The following RIOK3 variants were observed in gnomAD, a reference collection of about 807,000 sequenced individuals.
The protein encoded by RIOK3 is RIO kinase 3.
RIOK3 carries 40 observed loss-of-function variants against 63.5 expected under a neutral mutation model. The ratio of observed to expected loss-of-function variants is 0.63; its 90% CI spans 0.49 to 0.82. The LOEUF (loss-of-function observed/expected upper bound fraction) is 0.82, where lower values mean the gene tolerates loss of function less well. RIOK3 is among the 40% of genes least tolerant of loss of function. RIOK3 has a pLI of 0.00. For synonymous variants in RIOK3, 193 were observed against 205.0 expected (o/e 0.94, Z 0.50); for missense variants, 557 against 637.0 (o/e 0.87, Z 1.35).
At chr18:23,454,993 TTTCCTTCC>T (rs57591516) in intron 1 of RIOK3, among the ~76,000 whole-genome samples, 1 of 152,060 alleles carries the variant, frequency 6.6e-6, no homozygotes, top group Non-Finnish European at 1.5e-5. Flanking sequence ...TCAGGACTTC[TTTCCTTCC>T]TTCCTTCCTT....
rs780719258 is a variant in RIOK3 at position 23,464,513 on chromosome 18, C to G, written c.434-6C>G. On this transcript the variant is annotated splice_region_variant and splice_polypyrimidine_tract_variant and intron_variant, in intron 4 of 12. Coordinates refer to ENST00000339486, the MANE Select transcript of RIOK3 (RefSeq NM_003831.5). ...TATATACCTGGCTTATTTCAATTGC[C>G]TTTAGCAAAACCGGTTCCCACTCCT... 4 of 1,579,312 alleles carry G rather than the reference C, an allele frequency of 2.5e-6. No homozygotes were observed. The highest frequency in any genetic ancestry group is 3.4e-6 in the Non-Finnish European group (4 of 1,162,018).
At chr18:23,453,844 G>A (rs1165499673) in intron 1 of RIOK3, among the ~76,000 whole-genome samples, 3 of 152,252 alleles carry the variant, frequency 2.0e-5, no homozygotes, top group Non-Finnish European at 1.5e-5. Flanking sequence ...TTTTTCACTG[G>A]CCAAGTGAGT....
At chr18:23,470,214 AAGTT>A (rs1378732744) in intron 7 of RIOK3, among the ~76,000 whole-genome samples, 4 of 152,016 alleles carry the variant, frequency 2.6e-5, no homozygotes, top group African/African-American at 9.7e-5. Flanking sequence ...AAATACAAAA[AAGTT>A]AGCCGGGCAT....
Position 23,463,063 on chromosome 18 carries a change from G to GT in RIOK3, c.168dup (p.Pro57SerfsTer2). 1 of 1,606,930 alleles carries GT rather than the reference G, an allele frequency of 6.2e-7. No homozygotes were observed. The highest frequency in any genetic ancestry group is 8.5e-7 in the Non-Finnish European group (1 of 1,176,568). ...ATTGCAGTTAGAAGAAGAAGCTGCC[G>GT]TTTTTCCTGAAGTTGCGTAAGTAAA... On this transcript the variant is annotated frameshift_variant, in exon 2 of 13. Transcript: ENST00000339486. LOFTEE classifies it high-confidence loss of function.
intron 11 of RIOK3, 46 bp from the exon 12 acceptor site, chr18:23,479,271 A>T: frequency 8.1e-7 from 1 of 1,234,010 alleles, no homozygotes; most frequent in Non-Finnish European, 1.2e-6. Context: ...TTTATAAGAG[A>T]ACATTGCTAA....
At chr18:23,470,493 TTA>T (rs2057449496) in intron 7 of RIOK3, among the ~76,000 whole-genome samples, 1 of 152,204 alleles carries the variant, frequency 6.6e-6, no homozygotes, top group Non-Finnish European at 1.5e-5. Context: ...TTGTGGATAC[TTA>T]TATATTATCT....
Position 23,481,321 on chromosome 18 carries a change from T to A in RIOK3, c.*42T>A, listed in dbSNP as rs1338807384. On this transcript the variant is annotated 3_prime_UTR_variant, in exon 13 of 13. Coordinates refer to ENST00000339486, the MANE Select transcript of RIOK3 (RefSeq NM_003831.5). Reference sequence around the variant, plus strand: ...TTCAGTGTTAACACAGCAGTGATTGTCAGCTGCCAATAGCAAATGAAGTTA... The same window carrying A: ...TTCAGTGTTAACACAGCAGTGATTGACAGCTGCCAATAGCAAATGAAGTTA... The A allele has an allele frequency of 4.1e-6, 5 of 1,221,344 alleles. No homozygotes were observed. Among genetic ancestry groups the A allele is most frequent in the Non-Finnish European group, 5.8e-6 (5 of 866,050 alleles). The allele number at this position is 1,221,344 out of a possible 1,614,324, so 75.7% of individuals were successfully genotyped here.
At chr18:23,463,155 A>T in intron 2 of RIOK3, 76 bp downstream of exon 2, 1 of 945,420 alleles carries the variant, frequency 1.1e-6, no homozygotes, top group Non-Finnish European at 1.6e-6. Context: ...TTGTCATGAC[A>T]AGTGGTTTGG....
At position 23,477,180 on chromosome 18, in the gene RIOK3, T is replaced by A. The variant is rs1336729561; in HGVS notation, c.1256T>A (p.Val419Asp). Reference sequence around the variant, plus strand: ...AGTTCATGTTCTGTATTGAAATAGGTCTGGTTGATCGATGTCAGTCAGTCA... The same window carrying A: ...AGTTCATGTTCTGTATTGAAATAGGACTGGTTGATCGATGTCAGTCAGTCA... ...EYNMLWHAGK[V>D]WLIDVSQSVE... is the part of the protein sequence containing the mutation. The change falls in exon 11 of 13, where the codon GTC becomes GAC. Residue 419 changes from valine (V) to aspartate (D), a missense_variant and splice_region_variant. Physicochemically the swap from Val to Asp is radical, Grantham distance 152. Around this residue, in one of 3 missense-constraint regions of RIOK3, gnomAD observed 309 missense variants for 338.7 expected, o/e 0.91. Coordinates refer to ENST00000339486, the MANE Select transcript of RIOK3 (RefSeq NM_003831.5). 2 of 1,613,892 alleles carry A rather than the reference T, an allele frequency of 1.2e-6. No individual in the cohort carries two copies. The highest frequency in any genetic ancestry group is 1.7e-6 in the Non-Finnish European group (2 of 1,179,796).
chr18:23,478,236 T>C (rs140293766), intron 11 of RIOK3, among the ~76,000 whole-genome samples: 15 of 152,210 alleles, frequency 9.9e-5, no homozygotes, highest in Admixed American at 9.8e-4. Flanking sequence ...GTCTCTATTG[T>C]GGGACAGTGT....
At chr18:23,474,786 C>G (rs58977416) in intron 8 of RIOK3, among the ~76,000 whole-genome samples, 162 bp from the exon 9 acceptor site, 3,364 of 152,288 alleles carry the variant, frequency 0.022, 111 homozygotes, top group African/African-American at 0.076. Flanking sequence ...TCCCTGAGCT[C>G]TCTATGGGCA....
intron 6 of RIOK3, among the ~76,000 whole-genome samples, chr18:23,467,111 C>T (rs376385335): frequency 1.3e-5 from 2 of 151,850 alleles, no homozygotes; most frequent in Non-Finnish European, 2.9e-5. Flanking sequence ...GTCAGGAGTT[C>T]GAGACCAGCC....
intron 2 of RIOK3, chr18:23,463,323 A>G (rs2057383768): frequency 3.0e-6 from 1 of 334,510 alleles, no homozygotes; most frequent in Non-Finnish European, 5.4e-6. Context: ...TAGATGAGGT[A>G]CAGTTTTGAT....
chr18:23,469,791 C>G (rs998901891), intron 7 of RIOK3, among the ~76,000 whole-genome samples: 6 of 152,054 alleles, frequency 3.9e-5, no homozygotes, highest in African/African-American at 1.4e-4. Flanking sequence ...TGGGTCAAAG[C>G]TCTGGTTTCT....
intron 9 of RIOK3, among the ~76,000 whole-genome samples, chr18:23,475,496 GCA>G: frequency 7.0e-6 from 1 of 143,834 alleles, no homozygotes; most frequent in East Asian, 2.2e-4. Context: ...AATTAGCTGG[GCA>G]CACACCTGTA....
Position 23,482,962 on chromosome 18 carries a change from T to C in RIOK3, c.*1683T>C, listed in dbSNP as rs2057545011. ...AAATAAAGATTTATATGACTGGTGA[T>C]ACTGGCTTTACAGAAATTTCAGAGA... On this transcript the variant is annotated 3_prime_UTR_variant, in exon 13 of 13. Transcript: ENST00000339486. 1 of 152,204 alleles carries C rather than the reference T, an allele frequency of 6.6e-6. No homozygotes were observed. Among genetic ancestry groups the C allele is most frequent in the Non-Finnish European group, 1.5e-5 (1 of 68,044 alleles). The allele number at this position is 152,204 out of a possible 1,614,324, so 9.4% of individuals were successfully genotyped here.
At position 23,464,216 on chromosome 18, in the gene RIOK3, CT is replaced by C. The variant is rs748905279; in HGVS notation, c.339del (p.Phe113LeufsTer57). The C allele has an allele frequency of 6.2e-7, 1 of 1,612,996 alleles. No individual in the cohort carries two copies. Among genetic ancestry groups the C allele is most frequent in the Non-Finnish European group, 8.5e-7 (1 of 1,179,618 alleles). ...FNGDSKVSIS[F>X]ENYRKVHPYE... ...TTTTTGCTTCTTAAGTTTCCATTTCCTTTGAAAATTATCGAAAAGTGCATCC... is the reference window on the plus strand; with the variant it reads ...TTTTTGCTTCTTAAGTTTCCATTTCCTTGAAAATTATCGAAAAGTGCATCC... On this transcript the variant is annotated frameshift_variant, in exon 4 of 13. Coordinates refer to ENST00000339486, the MANE Select transcript of RIOK3 (RefSeq NM_003831.5). LOFTEE classifies it high-confidence loss of function.
Position 23,453,357 on chromosome 18 carries a change from G to A in RIOK3, c.-83G>A, listed in dbSNP as rs1324566775. 3 of 1,168,682 alleles carry A rather than the reference G, an allele frequency of 2.6e-6. No homozygotes were observed. The highest frequency in any genetic ancestry group is 3.8e-6 in the Non-Finnish European group (3 of 781,050). The allele number at this position is 1,168,682 out of a possible 1,614,324, so 72.4% of individuals were successfully genotyped here. On this transcript the variant is annotated 5_prime_UTR_variant, in exon 1 of 13. It adds an upstream start codon to the 5' untranslated region. Transcript: ENST00000339486. ...CTCCGGCATCAGCAGCCAGTCGCCC[G>A]TGTCCCGCCTGTCTCCTCGGCGGAG...
intron 1 of RIOK3, chr18:23,456,307 T>A (rs959213928): frequency 6.6e-6 from 1 of 152,234 alleles, no homozygotes; most frequent in African/African-American, 2.4e-5. Flanking sequence ...ATTATATCAA[T>A]TGATATTTAT....
Sources: gnomAD v4.1 joint callset for allele counts (sites outside exome capture counted in the v4.1 genomes callset) on GRCh38, gnomAD v4.1.1 for gene constraint, gnomAD v4.1.1 regional missense constraint, MANE v1.5 for transcripts, NCBI Gene and HGNC (gene_info 2026-07-23, HGNC 2026-07-21) for gene names.